The following CMSS1 variants were observed in gnomAD, a reference collection of about 807,000 sequenced individuals.
CMSS1 encodes the protein cms1 ribosomal small subunit homolog.
CMSS1 carries 33 observed loss-of-function variants against 43.5 expected under a neutral mutation model. That is an observed-to-expected ratio of 0.76 (90% confidence interval 0.57 to 1.01). The LOEUF (loss-of-function observed/expected upper bound fraction) is 1.01. Ranked by LOEUF, CMSS1 falls within the 50% of genes least tolerant of loss-of-function variation. CMSS1 has a pLI of 0.00. For missense variants in CMSS1, 313 were observed against 326.4 expected (o/e 0.96, Z 0.32); for synonymous variants, 115 against 117.2 (o/e 0.98, Z 0.12).
chr3:100,060,369 C>T lies in CMSS1; in HGVS notation c.65-86604C>T, dbSNP rs564370072. Among the ~76,000 whole-genome samples, 131 of 152,200 alleles carry T rather than the reference C, an allele frequency of 8.6e-4. 1 individual carries two copies. Among genetic ancestry groups the T allele is most frequent in the African/African-American group, 3.0e-3 (123 of 41,492 alleles). ...ATCCCTTTATACCACATCCAAAAAC[C>T]ATCTTCCTGATGCCCTTCTAAGAGA... On this transcript the variant is annotated intron_variant, in intron 1 of 9. Transcript: ENST00000421999.
chr3:100,050,359 A>T (rs1559739574), intron 1 of CMSS1, among the ~76,000 whole-genome samples: 1 of 152,156 alleles, frequency 6.6e-6, no homozygotes, highest in Non-Finnish European at 1.5e-5. Flanking sequence ...TCTTTTTTAG[A>T]TTTATGTGAA....
intron 1 of CMSS1, among the ~76,000 whole-genome samples, chr3:100,061,887 A>G (rs1472755259): frequency 1.3e-5 from 2 of 152,142 alleles, no homozygotes; most frequent in African/African-American, 4.8e-5. Context: ...TAAAATATAT[A>G]TAATACAAAA....
chr3:100,091,652 T>C (rs1404934995), intron 1 of CMSS1, among the ~76,000 whole-genome samples: 1 of 152,252 alleles, frequency 6.6e-6, no homozygotes, highest in Non-Finnish European at 1.5e-5. Context: ...TCTTTTTATC[T>C]GCAGCCACTT....
At chr3:100,147,725 G>A (rs2066866029) in intron 2 of CMSS1, among the ~76,000 whole-genome samples, 1 of 152,182 alleles carries the variant, frequency 6.6e-6, no homozygotes, top group African/African-American at 2.4e-5. Context: ...ACACACTAGA[G>A]TGCATGATTA....
At position 99,881,655 on chromosome 3, in the gene CMSS1, C is replaced by T. The variant is rs549331940; in HGVS notation, c.64+63612C>T. On this transcript the variant is annotated intron_variant, in intron 1 of 9. Coordinates refer to ENST00000421999, the MANE Select transcript of CMSS1 (RefSeq NM_032359.4). ...TCAGACAGTTCTCCTGCCTCAGCCT[C>T]CCTAGTAGCTGGGATTATACATGTG... Among the ~76,000 whole-genome samples the T allele has an allele frequency of 3.9e-5, 6 of 152,176 alleles. No homozygotes were observed. The East Asian group carries it at 1.2e-3, about 29-fold the overall frequency.
intron 1 of CMSS1, among the ~76,000 whole-genome samples, chr3:99,936,688 T>G (rs1292558638): frequency 6.6e-6 from 1 of 150,398 alleles, no homozygotes; most frequent in Non-Finnish European, 1.5e-5. Flanking sequence ...GAAGCCTTTT[T>G]AAATCACTTG....
chr3:99,962,494 C>G (rs971052529), intron 1 of CMSS1, among the ~76,000 whole-genome samples: 2 of 152,122 alleles, frequency 1.3e-5, no homozygotes, highest in African/African-American at 4.8e-5. Context: ...AGATATAGCT[C>G]TTTCAGTAGC....
chr3:100,150,008 T>TG (rs1313094893), intron 2 of CMSS1, among the ~76,000 whole-genome samples: 1 of 152,102 alleles, frequency 6.6e-6, no homozygotes, highest in Non-Finnish European at 1.5e-5. Context: ...CATTCAGGGC[T>TG]GGGGTCTGTC....
intron 1 of CMSS1, among the ~76,000 whole-genome samples, chr3:100,021,577 A>G (rs2064817891): frequency 6.6e-6 from 1 of 152,208 alleles, no homozygotes; most frequent in South Asian, 2.1e-4. Context: ...AATTTGAAGC[A>G]AAGTCTGTAC....
chr3:100,098,802 A>G (rs574849636), intron 1 of CMSS1, among the ~76,000 whole-genome samples: 83 of 152,338 alleles, frequency 5.4e-4, no homozygotes, highest in African/African-American at 1.9e-3. Context: ...CCTTTCTTAA[A>G]CTAGGAAAAT....
intron 1 of CMSS1, among the ~76,000 whole-genome samples, chr3:100,138,985 A>G (rs1366356437): frequency 1.3e-5 from 2 of 152,240 alleles, no homozygotes; most frequent in Non-Finnish European, 2.9e-5. Context: ...AATGTGGTAC[A>G]TATATACCAT....
chr3:99,942,712 C>A (rs1707886998), intron 1 of CMSS1, among the ~76,000 whole-genome samples: 1 of 151,930 alleles, frequency 6.6e-6, no homozygotes, highest in African/African-American at 2.4e-5. Flanking sequence ...GCCTGTAATC[C>A]CAGCTACTCT....
intron 1 of CMSS1, among the ~76,000 whole-genome samples, chr3:100,052,432 G>T (rs1356643896): frequency 2.6e-5 from 4 of 152,196 alleles, no homozygotes; most frequent in African/African-American, 9.7e-5. Flanking sequence ...GTGTATCCGT[G>T]TGCATGTCCT....
Position 100,162,319 on chromosome 3 carries a change from T to C in CMSS1, c.242T>C (p.Val81Ala). The C allele has an allele frequency of 6.2e-7, 1 of 1,609,702 alleles. No homozygotes were observed. Among genetic ancestry groups the C allele is most frequent in the Non-Finnish European group, 8.5e-7 (1 of 1,178,538 alleles). Residue 81 changes from valine to alanine, a missense_variant, in exon 4 of 10, where the codon GTT becomes GCT. Coordinates refer to ENST00000421999, the MANE Select transcript of CMSS1 (RefSeq NM_032359.4). ...RKRRKKKITD[V>A]LAKSEPKPGL... ...ATATCTTAGAAGAAAATTACTGATGTTCTTGCAAAATCAGAACCAAAACCA... is the reference window on the plus strand; with the variant it reads ...ATATCTTAGAAGAAAATTACTGATGCTCTTGCAAAATCAGAACCAAAACCA...
intron 1 of CMSS1, among the ~76,000 whole-genome samples, chr3:100,048,550 C>A (rs1352423552): frequency 6.6e-6 from 1 of 152,208 alleles, no homozygotes; most frequent in Non-Finnish European, 1.5e-5. Context: ...TGACACAACC[C>A]ACCACACAGT....
At chr3:100,083,719 T>A (rs967449671) in intron 1 of CMSS1, among the ~76,000 whole-genome samples, 15 of 152,164 alleles carry the variant, frequency 9.9e-5, no homozygotes, top group South Asian at 2.1e-4. Context: ...ATAAAAAAAA[T>A]TTTTAACATC....
chr3:99,860,034 T>C (rs1944166029), intron 1 of CMSS1, among the ~76,000 whole-genome samples: 1 of 152,356 alleles, frequency 6.6e-6, no homozygotes. Context: ...AACACTTTTT[T>C]TGGCATCTGC....
At chr3:99,975,600 T>C (rs986710324) in intron 1 of CMSS1, among the ~76,000 whole-genome samples, 1 of 151,010 alleles carries the variant, frequency 6.6e-6, no homozygotes, top group Non-Finnish European at 1.5e-5. Flanking sequence ...AAAAAAAAAA[T>C]TGATACTTCA....
chr3:100,103,123 TC>T (rs1297171185), intron 1 of CMSS1, among the ~76,000 whole-genome samples: 1 of 152,178 alleles, frequency 6.6e-6, no homozygotes, highest in African/African-American at 2.4e-5. Context: ...TTTTGTATAT[TC>T]CTGTTCACCC....
Sources: allele counts gnomAD v4.1 joint callset (sites outside exome capture counted in the v4.1 genomes callset), GRCh38; gene constraint gnomAD v4.1.1; transcripts MANE v1.5; gene names NCBI Gene and HGNC (gene_info 2026-07-23, HGNC 2026-07-21).